The following HPSE2 variants were observed in gnomAD, a reference collection of about 807,000 sequenced individuals.
HPSE2 encodes the protein heparanase 2 (inactive), also known as inactive heparanase-2.
Under a neutral mutation model 60.5 loss-of-function variants are expected in HPSE2, and 38 were observed. The ratio of observed to expected loss-of-function variants is 0.63; its 90% CI spans 0.48 to 0.82. The LOEUF is 0.82. Ranked by LOEUF, HPSE2 falls within the 40% of genes least tolerant of loss-of-function variation. HPSE2 has a pLI of 0.00. For missense variants in HPSE2, 713 were observed against 740.4 expected, an observed-to-expected ratio of 0.96 and a Z score of 0.43; for synonymous variants, 295 against 293.2, an observed-to-expected ratio of 1.01 and a Z score of -0.06.
At chr10:99,152,125 C>T (rs1207445549) in intron 2 of HPSE2, among the ~76,000 whole-genome samples, 2 of 151,750 alleles carry the variant, frequency 1.3e-5, no homozygotes, top group African/African-American at 4.8e-5. Context: ...TCCTGGCTAA[C>T]ACAGTGAAAC....
At chr10:98,630,148 A>G (rs907745975) in intron 7 of HPSE2, among the ~76,000 whole-genome samples, 1 of 151,690 alleles carries the variant, frequency 6.6e-6, no homozygotes, top group Non-Finnish European at 1.5e-5. Flanking sequence ...CACTACAAAG[A>G]AAGGACTCCT....
chr10:99,255,953 G>A, the HPSE2 span, among the ~76,000 whole-genome samples: 3 of 152,174 alleles, frequency 2.0e-5, no homozygotes, highest in South Asian at 6.2e-4. Flanking sequence ...GAGGCCTCAG[G>A]AAACTTACAA....
At chr10:98,598,126 G>A (rs117535813) in intron 9 of HPSE2, among the ~76,000 whole-genome samples, 1,729 of 151,198 alleles carry the variant, frequency 0.011, 17 homozygotes, top group Non-Finnish European at 0.017. Flanking sequence ...TCTTTTGGTG[G>A]TATGTCACCT....
chr10:98,802,386 T>C (rs1177863148), intron 3 of HPSE2, among the ~76,000 whole-genome samples: 8 of 151,600 alleles, frequency 5.3e-5, no homozygotes, highest in African/African-American at 1.9e-4. Flanking sequence ...TAGTTACATA[T>C]GTATACATGT....
chr10:98,707,409 T>C (rs1250523283), intron 5 of HPSE2, among the ~76,000 whole-genome samples: 2 of 152,162 alleles, frequency 1.3e-5, no homozygotes, highest in African/African-American at 4.8e-5. Flanking sequence ...ATGTTGAAAA[T>C]TGGAAACTGG....
chr10:99,122,064 T>C (rs1857184), intron 3 of HPSE2, among the ~76,000 whole-genome samples: 24,397 of 152,056 alleles, frequency 0.16, 2,373 homozygotes, highest in Admixed American at 0.24. Flanking sequence ...ATTATGTATA[T>C]GTATGTGCTT....
chr10:99,243,117 G>T, the HPSE2 span, among the ~76,000 whole-genome samples: 23 of 152,142 alleles, frequency 1.5e-4, no homozygotes, highest in Non-Finnish European at 7.4e-5. Flanking sequence ...ACTTTAGGAG[G>T]CTGAGGCAGG....
intron 6 of HPSE2, among the ~76,000 whole-genome samples, chr10:98,663,364 G>T (rs755699999): frequency 3.3e-5 from 5 of 152,096 alleles, no homozygotes; most frequent in Non-Finnish European, 7.4e-5. Context: ...CCTAATAAGG[G>T]ACTCATATTG....
At chr10:98,643,273 T>G (rs1374472383) in intron 6 of HPSE2, among the ~76,000 whole-genome samples, 1 of 152,224 alleles carries the variant, frequency 6.6e-6, no homozygotes, top group Non-Finnish European at 1.5e-5. Flanking sequence ...GGATAATATA[T>G]CTTCTCCTCA....
At chr10:99,244,509 C>A in the HPSE2 span, among the ~76,000 whole-genome samples, 1 of 148,636 alleles carries the variant, frequency 6.7e-6, no homozygotes, top group Non-Finnish European at 1.5e-5. Context: ...TAAACTCAAG[C>A]AACCCTCTCA....
chr10:98,840,491 A>G (rs1276764501), intron 3 of HPSE2, among the ~76,000 whole-genome samples: 1 of 152,230 alleles, frequency 6.6e-6, no homozygotes, highest in Non-Finnish European at 1.5e-5. Context: ...ATTGCAGAAG[A>G]GAGATAATAA....
At chr10:98,706,729 TCAC>T (rs1385994941) in intron 5 of HPSE2, among the ~76,000 whole-genome samples, 1 of 152,132 alleles carries the variant, frequency 6.6e-6, no homozygotes, top group African/African-American at 2.4e-5. Context: ...AATGAGCTGT[TCAC>T]AGAAGTCCAG....
At chr10:99,188,404 A>C (rs927983466) in intron 2 of HPSE2, among the ~76,000 whole-genome samples, 4 of 152,230 alleles carry the variant, frequency 2.6e-5, no homozygotes, top group African/African-American at 9.6e-5. Context: ...ATACTTAAAA[A>C]TTGGCAAATT....
intron 1 of HPSE2, among the ~76,000 whole-genome samples, chr10:99,233,871 T>C (rs1039640631): frequency 2.0e-5 from 3 of 152,150 alleles, no homozygotes; most frequent in Non-Finnish European, 4.4e-5. Context: ...TCCAACAACC[T>C]TTCATCCAGA....
At chr10:99,278,232 G>A in the HPSE2 span, among the ~76,000 whole-genome samples, 2 of 152,004 alleles carry the variant, frequency 1.3e-5, no homozygotes, top group Non-Finnish European at 2.9e-5. Flanking sequence ...AGACATGGCT[G>A]TTTCTGGATT....
At chr10:99,206,221 G>A (rs1848739847) in intron 2 of HPSE2, among the ~76,000 whole-genome samples, 1 of 152,116 alleles carries the variant, frequency 6.6e-6, no homozygotes, top group Non-Finnish European at 1.5e-5. Flanking sequence ...TTACACATTT[G>A]CAAAAAACAA....
At chr10:98,939,567 C>T (rs1400179980) in intron 3 of HPSE2, among the ~76,000 whole-genome samples, 3 of 143,502 alleles carry the variant, frequency 2.1e-5, no homozygotes, top group South Asian at 2.1e-4. Flanking sequence ...TACAGGAGCA[C>T]CCAGATTCAT....
chr10:98,813,003 T>C (rs549004637), intron 3 of HPSE2, among the ~76,000 whole-genome samples: 62 of 152,226 alleles, frequency 4.1e-4, no homozygotes, highest in African/African-American at 1.5e-3. Flanking sequence ...AGGCAAATAG[T>C]TTCTATGGGC....
At chr10:98,843,678 C>A (rs1373553914) in intron 3 of HPSE2, among the ~76,000 whole-genome samples, 1 of 152,180 alleles carries the variant, frequency 6.6e-6, no homozygotes, top group Non-Finnish European at 1.5e-5. Context: ...AACATCACCT[C>A]TCATGAAAAA....
Sources: gnomAD v4.1 joint callset for allele counts (sites outside exome capture counted in the v4.1 genomes callset) on GRCh38, gnomAD v4.1.1 for gene constraint, MANE v1.5 for transcripts, NCBI Gene and HGNC (gene_info 2026-07-23, HGNC 2026-07-21) for gene names.